The following DTX4 variants were observed in gnomAD, a reference collection of about 807,000 sequenced individuals.
DTX4 encodes E3 ubiquitin-protein ligase DTX4.
A neutral mutation model predicts 57.6 loss-of-function variants in DTX4; 28 were observed. That is an observed-to-expected ratio of 0.49 (90% CI 0.36 to 0.67). The LOEUF is 0.67. Ranked by LOEUF, DTX4 falls within the 30% of genes least tolerant of loss-of-function variation. The pLI is 0.00. For missense variants in DTX4, 715 were observed against 836.8 expected (o/e 0.85, Z 1.80); for synonymous variants, 316 against 331.0 (o/e 0.95, Z 0.49).
intron 6 of DTX4, 68 bp downstream of exon 6, chr11:59,192,318 G>C: frequency 1.3e-6 from 2 of 1,565,052 alleles, no homozygotes; most frequent in Non-Finnish European, 8.8e-7. Flanking sequence ...GATGGTGAAG[G>C]CCCTTTAGGG....
At chr11:59,202,959 A>G (rs916820170) in intron 8 of DTX4, among the ~76,000 whole-genome samples, 1 of 152,254 alleles carries the variant, frequency 6.6e-6, no homozygotes, top group Non-Finnish European at 1.5e-5. Context: ...ATTGAATACT[A>G]TAAGTAGTTG....
intron 7 of DTX4, among the ~76,000 whole-genome samples, chr11:59,196,235 A>C (rs1862666536): frequency 6.6e-6 from 1 of 152,234 alleles, no homozygotes; most frequent in Admixed American, 6.5e-5. Context: ...CAATGAGCAA[A>C]GTAGACGCAA....
rs527616630 is a variant in DTX4 at position 59,174,119 on chromosome 11, C to T, written c.211+1313C>T. 3.3e-5 allele frequency among the ~76,000 whole-genome samples: 5 copies of T among 152,254 alleles called. No homozygotes were observed. The South Asian group carries it at 1.0e-3, about 32-fold the overall frequency. ...GGGTATCTTTCCACCCTCATGTCCC[C>T]ATCTTTAGTCATAACTCCCAGCAAC... On this transcript the variant is annotated intron_variant, in intron 1 of 8. Transcript: ENST00000227451.
chr11:59,173,076 A>G (rs1241342319), intron 1 of DTX4, among the ~76,000 whole-genome samples: 1 of 151,970 alleles, frequency 6.6e-6, no homozygotes, highest in African/African-American at 2.4e-5. Flanking sequence ...CACCCCTTTC[A>G]TGCCCCCGCT....
At chr11:59,193,376 T>C (rs1434231720) in intron 6 of DTX4, among the ~76,000 whole-genome samples, 1 of 152,212 alleles carries the variant, frequency 6.6e-6, no homozygotes, top group Non-Finnish European at 1.5e-5. Context: ...GCCTATTTGA[T>C]TGAAGTTCCC....
At chr11:59,196,218 G>A (rs998248086) in intron 7 of DTX4, among the ~76,000 whole-genome samples, 5 of 152,214 alleles carry the variant, frequency 3.3e-5, no homozygotes, top group Non-Finnish European at 7.3e-5. Context: ...TCTAGACATT[G>A]GAGAAGCAAT....
chr11:59,200,187 T>C (rs980158920), intron 8 of DTX4, among the ~76,000 whole-genome samples: 1 of 152,198 alleles, frequency 6.6e-6, no homozygotes, highest in Non-Finnish European at 1.5e-5. Flanking sequence ...AAACCCCTTA[T>C]AAAACCATCA....
At chr11:59,196,471 A>G (rs554589965) in intron 7 of DTX4, among the ~76,000 whole-genome samples, 1 of 152,366 alleles carries the variant, frequency 6.6e-6, no homozygotes, top group South Asian at 2.1e-4. Flanking sequence ...TCTGAGATGC[A>G]ACGTAGACAA....
At chr11:59,188,000 G>T (rs1177381227) in intron 2 of DTX4, among the ~76,000 whole-genome samples, 1 of 152,240 alleles carries the variant, frequency 6.6e-6, no homozygotes, top group Non-Finnish European at 1.5e-5. Context: ...TCCACAGGTG[G>T]ATATTCTGGT....
At chr11:59,175,019 AAAG>A (rs1862378328) in intron 1 of DTX4, among the ~76,000 whole-genome samples, 1 of 152,300 alleles carries the variant, frequency 6.6e-6, no homozygotes, top group East Asian at 1.9e-4. Flanking sequence ...GGCGCTTGTC[AAAG>A]AAGAATAGAA....
chr11:59,188,705 T>A, intron 2 of DTX4, 30 bp from the exon 3 acceptor site: 1 of 1,598,746 alleles, frequency 6.3e-7, no homozygotes, highest in East Asian at 2.2e-5. Context: ...CGTGTCAAAA[T>A]GACATTGTAT....
rs1443707072 is a variant in DTX4, at chr11:59,172,845, A to C, written c.211+39A>C. On this transcript the variant is annotated intron_variant, in intron 1 of 8. Transcript: ENST00000227451. ...CCCTGACCCCGCCCCGCCTGCTCCC[A>C]CCTTCCCAACCTGCCAAGGTACCTC... The C allele has an allele frequency of 3.4e-6, 5 of 1,454,844 alleles. No individual in the cohort carries two copies. The African/African-American group carries it at 7.3e-5, about 21-fold the overall frequency. The allele number at this position is 1,454,844 out of a possible 1,614,324, so 90.1% of individuals were successfully genotyped here. A position where few individuals can be genotyped will look rare whatever the true frequency, so the allele number is the denominator to read the frequency against.
intron 8 of DTX4, among the ~76,000 whole-genome samples, chr11:59,203,974 A>G (rs1862771428): frequency 6.6e-6 from 1 of 152,288 alleles, no homozygotes; most frequent in East Asian, 1.9e-4. Context: ...AGACATTTTC[A>G]CTGGATGCTT....
At chr11:59,173,287 T>A (rs1862351726) in intron 1 of DTX4, among the ~76,000 whole-genome samples, 1 of 152,114 alleles carries the variant, frequency 6.6e-6, no homozygotes, top group Non-Finnish European at 1.5e-5. Flanking sequence ...TGCCTCTGCG[T>A]CTCCTGTGTG....
At position 59,205,997 on chromosome 11, in the gene DTX4, C is replaced by T. The variant is rs754348837; in HGVS notation, c.*1088C>T. On this transcript the variant is annotated 3_prime_UTR_variant, in exon 9 of 9. Transcript: ENST00000227451. ...TTCCTCACCTGTTGCCAACCTATCCCGTAGTGAACTGAAACCCCAATGAAG... is the reference window on the plus strand; with the variant it reads ...TTCCTCACCTGTTGCCAACCTATCCTGTAGTGAACTGAAACCCCAATGAAG... The T allele has an allele frequency of 5.3e-5, 8 of 152,330 alleles. No homozygotes were observed. The highest frequency in any genetic ancestry group is 2.0e-4 in the Admixed American group (3 of 15,286). 9.4% of individuals were successfully genotyped at this position (152,330 alleles called of 1,614,324 possible). A position where few individuals can be genotyped will look rare whatever the true frequency, so the allele number is the denominator to read the frequency against.
rs1012789112 is a variant in DTX4 at position 59,206,053 on chromosome 11, G to A, written c.*1144G>A. 1 of 152,270 alleles carries A rather than the reference G, an allele frequency of 6.6e-6. No homozygotes were observed. The highest frequency in any genetic ancestry group is 1.5e-5 in the Non-Finnish European group (1 of 68,068). The allele number at this position is 152,270 out of a possible 1,614,324, so 9.4% of individuals were successfully genotyped here. A position where few individuals can be genotyped will look rare whatever the true frequency, so the allele number is the denominator to read the frequency against. ...ACTGTGCCTGGGGAGATGCAATGAG[G>A]TGAGGGCTGAACTCATCCTTTTATA... On this transcript the variant is annotated 3_prime_UTR_variant, in exon 9 of 9. Coordinates refer to ENST00000227451, the MANE Select transcript of DTX4 (RefSeq NM_015177.2).
At chr11:59,188,117 A>G (rs947554369) in intron 2 of DTX4, among the ~76,000 whole-genome samples, 5 of 152,208 alleles carry the variant, frequency 3.3e-5, no homozygotes, top group African/African-American at 1.2e-4. Context: ...ATATCAATTG[A>G]ATGCCTACTA....
intron 6 of DTX4, among the ~76,000 whole-genome samples, chr11:59,193,419 C>A (rs535338780): frequency 6.6e-6 from 1 of 152,160 alleles, no homozygotes; most frequent in East Asian, 1.9e-4. Context: ...GAGAGACATG[C>A]TTATAGTGGT....
At chr11:59,190,606 C>T (rs1363334064) in intron 4 of DTX4, among the ~76,000 whole-genome samples, 2 of 152,208 alleles carry the variant, frequency 1.3e-5, no homozygotes, top group African/African-American at 4.8e-5. Flanking sequence ...ACTGTGCTGG[C>T]TGGCAGTGAC....
Sources: allele counts gnomAD v4.1 joint callset (sites outside exome capture counted in the v4.1 genomes callset), GRCh38; gene constraint gnomAD v4.1.1; transcripts MANE v1.5; gene names NCBI Gene and HGNC (gene_info 2026-07-23, HGNC 2026-07-21).